The following SMCHD1 variants were observed in gnomAD, a reference collection of about 807,000 sequenced individuals.
SMCHD1 encodes the protein structural maintenance of chromosomes flexible hinge domain containing 1.
SMCHD1 carries 78 observed loss-of-function variants against 254.7 expected under a neutral mutation model. The ratio of observed to expected loss-of-function variants is 0.31; its 90% CI spans 0.26 to 0.37. The LOEUF is 0.37. SMCHD1 is among the 10% of genes least tolerant of loss of function. The pLI, the probability that SMCHD1 is intolerant of heterozygous loss-of-function variation, is 1.00. For synonymous variants in SMCHD1, 766 were observed against 794.9 expected, an observed-to-expected ratio of 0.96 and a Z score of 0.61; for missense variants, 1,840 against 2,408.1, an observed-to-expected ratio of 0.76 and a Z score of 4.94.
intron 7 of SMCHD1, chr18:2,691,767 A>G (rs1194796666): frequency 6.6e-6 from 1 of 152,242 alleles, no homozygotes; most frequent in Non-Finnish European, 1.5e-5. Context: ...ATGCTGCAAC[A>G]TTTGCTATAA....
chr18:2,744,077 G>A (rs2075402262), intron 29 of SMCHD1, 149 bp downstream of exon 29: 1 of 612,736 alleles, frequency 1.6e-6, no homozygotes, highest in African/African-American at 1.8e-5. Flanking sequence ...GCAAGGTAAT[G>A]TGAGTCTTAA....
intron 1 of SMCHD1, among the ~76,000 whole-genome samples, chr18:2,665,067 T>C (rs776689249): frequency 2.0e-5 from 3 of 152,190 alleles, no homozygotes; most frequent in Non-Finnish European, 2.9e-5. Flanking sequence ...AGTCCATTAC[T>C]ACCCGAAACA....
At chr18:2,660,847 A>G (rs1242258328) in intron 1 of SMCHD1, among the ~76,000 whole-genome samples, 3 of 152,194 alleles carry the variant, frequency 2.0e-5, no homozygotes, top group Admixed American at 6.5e-5. Flanking sequence ...GATGTGGATT[A>G]AAAACCATGG....
chr18:2,679,667 T>G (rs1488373768), intron 5 of SMCHD1, among the ~76,000 whole-genome samples: 1 of 152,162 alleles, frequency 6.6e-6, no homozygotes, highest in Non-Finnish European at 1.5e-5. Context: ...TTTTTGTCTC[T>G]GGCTTTTGAC....
chr18:2,709,208 G>A (rs1410320011), intron 17 of SMCHD1, among the ~76,000 whole-genome samples: 1 of 125,802 alleles, frequency 7.9e-6, no homozygotes, highest in Non-Finnish European at 1.7e-5. Context: ...ATATTCCCTT[G>A]TGTGTGTATA....
intron 25 of SMCHD1, 128 bp from the exon 26 acceptor site, chr18:2,738,269 C>A: frequency 2.5e-6 from 2 of 802,740 alleles, no homozygotes; most frequent in Non-Finnish European, 1.9e-6. Context: ...CCGTTTCTGA[C>A]CATAAAGAGA....
chr18:2,673,114 G>A lies in SMCHD1; in HGVS notation c.425-167G>A, dbSNP rs192551353. Reference sequence around the variant, plus strand: ...GATGACTGCTTTTTTGATGCTGGTGGTGATTGGTGATGATGCCTTTATTAT... The same window carrying A: ...GATGACTGCTTTTTTGATGCTGGTGATGATTGGTGATGATGCCTTTATTAT... On this transcript the variant is annotated intron_variant, in intron 3 of 47. Coordinates refer to ENST00000320876, the MANE Select transcript of SMCHD1 (RefSeq NM_015295.3). The A allele has an allele frequency of 1.4e-5, 14 of 985,384 alleles. No homozygotes were observed. The East Asian group carries it at 1.6e-3, about 112-fold the overall frequency. The allele number at this position is 985,384 out of a possible 1,614,324, so 61.0% of individuals were successfully genotyped here.
chr18:2,708,915 T>TATAAA (rs1568199419), intron 17 of SMCHD1, among the ~76,000 whole-genome samples: 1 of 90,452 alleles, frequency 1.1e-5, no homozygotes. Context: ...TATAACATAT[T>TATAAA]AACATGAAAT....
At chr18:2,665,249 A>G (rs1256742988) in intron 1 of SMCHD1, among the ~76,000 whole-genome samples, 1 of 150,462 alleles carries the variant, frequency 6.6e-6, no homozygotes, top group Non-Finnish European at 1.5e-5. Flanking sequence ...TCTCCTTTTC[A>G]TTTTTTTGTG....
rs775557238 is a variant in SMCHD1, at chr18:2,750,100, G to A, written c.3985G>A (p.Val1329Ile). ...TDEKGRANLG[V>I]FSVFAPRGEH... ...TGAGAAAGGCAGGGCTAATTTGGGA[G>A]TATTCAGTGTTTTTGCCCCTAGGTA... Residue 1329 changes from valine (V) to isoleucine (I), a missense_variant, in exon 31 of 48, where the codon GTA becomes ATA. Physicochemically the swap from Val to Ile is conservative, Grantham distance 29. Transcript: ENST00000320876. 7.6e-6 allele frequency: 12 copies of A among 1,581,286 alleles called. No homozygotes were observed. In the South Asian group the frequency reaches 1.3e-4, roughly 17 times the overall value.
intron 9 of SMCHD1, chr18:2,697,343 C>T (rs1271686631): frequency 2.7e-6 from 1 of 365,982 alleles, no homozygotes; most frequent in Non-Finnish European, 5.0e-6. Context: ...CTTTTTTTGT[C>T]TCTCTTCTGT....
Position 2,740,794 on chromosome 18 carries a change from T to C in SMCHD1, c.3606T>C (p.Asp1202=), listed in dbSNP as rs539377223. 12 of 1,608,090 alleles carry C rather than the reference T, an allele frequency of 7.5e-6. No individual in the cohort carries two copies. The African/African-American group carries it at 1.1e-4, about 14-fold the overall frequency. Residue 1202 remains aspartate (D), a synonymous_variant, in exon 28 of 48, where the codon GAT becomes GAC. Coordinates refer to ENST00000320876, the MANE Select transcript of SMCHD1 (RefSeq NM_015295.3). ...TGTCAATTGCTGGGGTTGGACTTGA[T>C]AGCTCAAATTTGAAAACAACCTTTC... The part of the protein sequence containing the change: ...SSLSIAGVGL[D]SSNLKTTFQE...
rs754277921 is a variant in SMCHD1 at position 2,700,642 on chromosome 18, A to G, written c.1446A>G (p.Pro482=). The G allele has an allele frequency of 3.7e-5, 59 of 1,608,462 alleles. No individual in the cohort carries two copies. Among genetic ancestry groups the G allele is most frequent in the Non-Finnish European group, 4.6e-5 (54 of 1,177,738 alleles). The change falls in exon 11 of 48, where the codon CCA becomes CCG. Residue 482 remains proline, a synonymous_variant. Coordinates refer to ENST00000320876, the MANE Select transcript of SMCHD1 (RefSeq NM_015295.3). ...GTTTTTGGAATGGACGATTAATACCATATACATCAGTTGAAGAGTAAGTTT... is the reference window on the plus strand; with the variant it reads ...GTTTTTGGAATGGACGATTAATACCGTATACATCAGTTGAAGAGTAAGTTT... The part of the protein sequence containing the change: ...FECFWNGRLI[P]YTSVEDFDWC...
chr18:2,750,633 C>A, intron 32 of SMCHD1, 126 bp downstream of exon 32: 2 of 692,858 alleles, frequency 2.9e-6, no homozygotes, highest in Non-Finnish European at 4.5e-6. Context: ...CAAATGATTT[C>A]AATATCATGT....
Position 2,688,757 on chromosome 18 carries a change from A to T in SMCHD1, c.873+10A>T, listed in dbSNP as rs1177629965. ...TATTAGAAACAGAAAGGTACAATAC[A>T]TTTTAACTCATAATTATAAATTTAC... On this transcript the variant is annotated intron_variant, in intron 7 of 47. Transcript: ENST00000320876. 24 of 1,252,166 alleles carry T rather than the reference A, an allele frequency of 1.9e-5. No homozygotes were observed. Among genetic ancestry groups the T allele is most frequent in the Non-Finnish European group, 2.6e-5 (23 of 901,794 alleles). 77.6% of individuals were successfully genotyped at this position (1,252,166 alleles called of 1,614,324 possible). A position where few individuals can be genotyped will look rare whatever the true frequency, so the allele number is the denominator to read the frequency against.
chr18:2,725,305 T>G (rs1217686966), intron 21 of SMCHD1, among the ~76,000 whole-genome samples: 5 of 151,860 alleles, frequency 3.3e-5, no homozygotes, highest in African/African-American at 7.2e-5. Context: ...CTCTGCTGTT[T>G]TTTTTTTTTC....
chr18:2,777,070 C>A lies in SMCHD1; in HGVS notation c.5367-736C>A, dbSNP rs377296359. Among the ~76,000 whole-genome samples, 360 of 149,090 alleles carry A rather than the reference C, an allele frequency of 2.4e-3. 2 individuals carry two copies. The highest frequency in any genetic ancestry group is 8.3e-3 in the African/African-American group (337 of 40,846). On this transcript the variant is annotated intron_variant, in intron 42 of 47. Coordinates refer to ENST00000320876, the MANE Select transcript of SMCHD1 (RefSeq NM_015295.3). The stretch of plus-strand genomic sequence containing the variant: ...AGGCATGCACCACCACCTCCCCCCC[C>A]CATACCCTAATACTTTTTGTGAGAA...
intron 15 of SMCHD1, among the ~76,000 whole-genome samples, chr18:2,707,016 C>T (rs991541538): frequency 6.6e-6 from 1 of 152,120 alleles, no homozygotes; most frequent in Non-Finnish European, 1.5e-5. Context: ...CATCAGCTCT[C>T]GTGAGAACTC....
chr18:2,685,469 A>C (rs1444485006), intron 5 of SMCHD1, among the ~76,000 whole-genome samples: 7 of 152,294 alleles, frequency 4.6e-5, no homozygotes, highest in African/African-American at 1.7e-4. Flanking sequence ...TAAAATTTGC[A>C]GTTATAACCA....
Sources: gnomAD v4.1 joint callset for allele counts (sites outside exome capture counted in the v4.1 genomes callset) on GRCh38, gnomAD v4.1.1 for gene constraint, MANE v1.5 for transcripts, NCBI Gene and HGNC (gene_info 2026-07-23, HGNC 2026-07-21) for gene names.